The following IL22RA1 variants were observed in gnomAD, a reference collection of about 807,000 sequenced individuals.
The protein encoded by IL22RA1 is interleukin-22 receptor subunit alpha-1.
IL22RA1 carries 25 observed loss-of-function variants against 32.8 expected under a neutral mutation model. The observed-to-expected ratio is 0.76, with a 90% CI of 0.55 to 1.06. IL22RA1 has a LOEUF of 1.06. Ranked by LOEUF, IL22RA1 falls within the 50% of genes least tolerant of loss-of-function variation. The pLI is 0.00. For synonymous variants in IL22RA1, 305 were observed against 305.0 expected, an observed-to-expected ratio of 1.00 and a Z score of 0.00; for missense variants, 709 against 727.4, an observed-to-expected ratio of 0.97 and a Z score of 0.29.
rs1355783804 is a variant in IL22RA1, at chr1:24,121,715, A to G, written c.815T>C (p.Phe272Ser). Residue 272 changes from phenylalanine to serine, a missense_variant, in exon 7 of 7, where the codon TTC becomes TCC. Transcript: ENST00000270800. ...CTCCTGGATGAAGCGCAGCGGCTGG[A>G]AAGTCAGGACTCGCTGGACGTTCTG... ...NSLNVQRVLT[F>S]QPLRFIQEHV... is the part of the protein sequence containing the mutation. 9 of 1,554,192 alleles carry G rather than the reference A, an allele frequency of 5.8e-6. No individual in the cohort carries two copies. Among genetic ancestry groups the G allele is most frequent in the Non-Finnish European group, 6.1e-6 (7 of 1,146,382 alleles).
chr1:24,125,589 T>A (rs1199082965), intron 5 of IL22RA1, among the ~76,000 whole-genome samples: 1 of 152,122 alleles, frequency 6.6e-6, no homozygotes, highest in Admixed American at 6.6e-5. Flanking sequence ...GGGGGCTCAC[T>A]GTAAACAAAG....
chr1:24,126,446 G>A (rs1314111031), intron 5 of IL22RA1, among the ~76,000 whole-genome samples: 3 of 152,206 alleles, frequency 2.0e-5, no homozygotes, highest in African/African-American at 7.2e-5. Flanking sequence ...CTCAGCCCAG[G>A]CATCAGCATC....
Position 24,123,133 on chromosome 1 carries a change from T to C in IL22RA1, c.792+169A>G, listed in dbSNP as rs538959187. Among the ~76,000 whole-genome samples, 3 of 152,342 alleles carry C rather than the reference T, an allele frequency of 2.0e-5. No individual in the cohort carries two copies. The East Asian group carries it at 5.8e-4, about 29-fold the overall frequency. ...CACTTCAATGTGTCCTGAGACCTGC[T>C]GGGCTACACGTCCGTTGACTTTAGC... is the stretch of plus-strand genomic sequence containing the variant. On this transcript the variant is annotated intron_variant, in intron 6 of 6. Coordinates refer to ENST00000270800, the MANE Select transcript of IL22RA1 (RefSeq NM_021258.4).
intron 1 of IL22RA1, among the ~76,000 whole-genome samples, chr1:24,140,246 G>A (rs1557632333): frequency 6.6e-6 from 1 of 152,240 alleles, no homozygotes; most frequent in African/African-American, 2.4e-5. Context: ...AGCATGTGAA[G>A]AACCTACAAT....
intron 3 of IL22RA1, chr1:24,134,842 T>C: frequency 2.0e-6 from 2 of 984,792 alleles, no homozygotes; most frequent in Non-Finnish European, 2.4e-6. Flanking sequence ...TGAAGACTTC[T>C]GTCTCTCTCA....
Position 24,121,382 on chromosome 1 carries a change from G to A in IL22RA1, c.1148C>T (p.Ser383Phe), listed in dbSNP as rs199877388. ...GGCATAGGAGGAAGGCTGGACCTTA[G>A]AGATGGCCTGTGGGGCGTAGAATGG... Reference protein sequence around the residue: ...QFPFYAPQAISKVQPSSYAPQ... With the variant: ...QFPFYAPQAIFKVQPSSYAPQ... Residue 383 changes from serine (S) to phenylalanine (F), a missense_variant, in exon 7 of 7, where the codon TCT (serine) becomes TTT (phenylalanine). Physicochemically the swap from Ser to Phe is radical, Grantham distance 155 (BLOSUM62 -2). Coordinates refer to ENST00000270800, the MANE Select transcript of IL22RA1 (RefSeq NM_021258.4). 2 of 1,568,664 alleles carry A rather than the reference G, an allele frequency of 1.3e-6. No individual in the cohort carries two copies. Among genetic ancestry groups the A allele is most frequent in the East Asian group, 2.3e-5 (1 of 44,350 alleles).
chr1:24,123,520 C>T, intron 5 of IL22RA1, 97 bp from the exon 6 acceptor site: 1 of 1,541,526 alleles, frequency 6.5e-7, no homozygotes, highest in Non-Finnish European at 8.8e-7. Context: ...AAAACCCTCT[C>T]TGGCTGGGCT....
At chr1:24,131,189 C>T (rs1362596892) in intron 4 of IL22RA1, among the ~76,000 whole-genome samples, 1 of 152,148 alleles carries the variant, frequency 6.6e-6, no homozygotes, top group Non-Finnish European at 1.5e-5. Context: ...ATCTCAAAAA[C>T]ATTTTGGAAA....
chr1:24,128,720 G>C (rs1477960789), intron 4 of IL22RA1, among the ~76,000 whole-genome samples: 1 of 151,836 alleles, frequency 6.6e-6, no homozygotes, highest in Non-Finnish European at 1.5e-5. Flanking sequence ...CATTGCTTCT[G>C]CCTTAATTGG....
At chr1:24,123,579 A>G (rs1283044293) in intron 5 of IL22RA1, 156 bp from the exon 6 acceptor site, 3 of 1,437,620 alleles carry the variant, frequency 2.1e-6, no homozygotes, top group East Asian at 2.5e-5. Context: ...ATGGAAGTCC[A>G]TATACTGTAC....
At chr1:24,137,926 C>T (rs1213708623) in intron 2 of IL22RA1, among the ~76,000 whole-genome samples, 1 of 152,174 alleles carries the variant, frequency 6.6e-6, no homozygotes, top group Non-Finnish European at 1.5e-5. Flanking sequence ...CAGTCTGAGT[C>T]CACATTCTGG....
rs185688897 is a variant in IL22RA1, at chr1:24,132,001, G to T, written c.531+2210C>A. Among the ~76,000 whole-genome samples the T allele has an allele frequency of 5.0e-4, 76 of 152,258 alleles. No homozygotes were observed. In the East Asian group the frequency reaches 0.01, roughly 20 times the overall value. On this transcript the variant is annotated intron_variant, in intron 4 of 6. Transcript: ENST00000270800. Reference sequence around the variant, plus strand: ...TAAATATTTACCAAAAAATAGTTGTGATAAGGACTCTCCCTGCTTAGTAAT... The same window carrying T: ...TAAATATTTACCAAAAAATAGTTGTTATAAGGACTCTCCCTGCTTAGTAAT...
chr1:24,133,137 T>A (rs1021598539), intron 4 of IL22RA1, among the ~76,000 whole-genome samples: 2 of 151,004 alleles, frequency 1.3e-5, no homozygotes, highest in East Asian at 4.0e-4. Context: ...CAATACCAAT[T>A]TCTGTGGCAT....
At chr1:24,131,025 G>T (rs78744700) in intron 4 of IL22RA1, among the ~76,000 whole-genome samples, 2,342 of 152,098 alleles carry the variant, frequency 0.015, 77 homozygotes, top group African/African-American at 0.054. Flanking sequence ...TTAAAGCAGC[G>T]GTATAACAAT....
chr1:24,123,279 C>T lies in IL22RA1; in HGVS notation c.792+23G>A, dbSNP rs759458042. ...CAGGCCCTCCCCTGGACCTCTCCCT[C>T]CCACCCTGGGGGGATGGCTCACCAG... On this transcript the variant is annotated intron_variant, in intron 6 of 6. Coordinates refer to ENST00000270800, the MANE Select transcript of IL22RA1 (RefSeq NM_021258.4). 71 of 1,609,620 alleles carry T rather than the reference C, an allele frequency of 4.4e-5. 1 individual carries two copies. In the South Asian group the frequency reaches 6.8e-4, roughly 16 times the overall value.
At chr1:24,127,500 A>G (rs1007829887) in intron 5 of IL22RA1, among the ~76,000 whole-genome samples, 1 of 151,584 alleles carries the variant, frequency 6.6e-6, no homozygotes, top group African/African-American at 2.4e-5. Context: ...TTTTGTGGAG[A>G]TGGGGTTTTG....
In IL22RA1 at chr1:24,121,325, G is replaced by A; in HGVS notation, c.1205C>T (p.Ser402Phe). The A allele has an allele frequency of 6.2e-7, 1 of 1,608,360 alleles. No homozygotes were observed. The highest frequency in any genetic ancestry group is 8.5e-7 in the Non-Finnish European group (1 of 1,175,960). ...PQATPDSWPP[S>F]YGVCMEGSGK... ...AGAACCTTCCATGCATACCCCATAG[G>A]AGGGAGGCCAGCTGTCCGGAGTGGC... Residue 402 changes from serine to phenylalanine, a missense_variant, in exon 7 of 7, where the codon TCC becomes TTC. Transcript: ENST00000270800.
rs1644278213 is a variant in IL22RA1, at chr1:24,141,040, C to A, written c.43+2000G>T. Among the ~76,000 whole-genome samples the A allele has an allele frequency of 2.0e-5, 3 of 152,226 alleles. No homozygotes were observed. The South Asian group carries it at 6.2e-4, about 31-fold the overall frequency. On this transcript the variant is annotated intron_variant, in intron 1 of 6. Coordinates refer to ENST00000270800, the MANE Select transcript of IL22RA1 (RefSeq NM_021258.4). ...AGAATGGTCCGACCCCGCTGCACAT[C>A]CTCTGGCCAACCTCGAAGGCTGCCC...
chr1:24,136,731 G>T (rs1378914373), intron 3 of IL22RA1, among the ~76,000 whole-genome samples: 1 of 152,184 alleles, frequency 6.6e-6, no homozygotes, highest in Non-Finnish European at 1.5e-5. Context: ...GTCATGAGAA[G>T]CTGCCCGAGG....
Sources: allele counts gnomAD v4.1 joint callset (sites outside exome capture counted in the v4.1 genomes callset), GRCh38; gene constraint gnomAD v4.1.1; transcripts MANE v1.5; gene names NCBI Gene and HGNC (gene_info 2026-07-23, HGNC 2026-07-21).